The following IGDCC4 variants were observed in gnomAD, a reference collection of about 807,000 sequenced individuals.
The protein encoded by IGDCC4 is immunoglobulin superfamily DCC subclass member 4.
IGDCC4 carries 72 observed loss-of-function variants against 116.6 expected under a neutral mutation model. That is an observed-to-expected ratio of 0.62 (90% CI 0.51 to 0.75). The LOEUF (loss-of-function observed/expected upper bound fraction) is 0.75. Among genes scored for constraint, IGDCC4 ranks in the 30% least tolerant of loss-of-function variants. IGDCC4 has a pLI of 0.00. For synonymous variants in IGDCC4, 709 were observed against 719.9 expected (o/e 0.98, Z 0.24); for missense variants, 1,501 against 1,662.4 (o/e 0.90, Z 1.69).
chr15:65,386,697 G>A (rs1470242070), intron 16 of IGDCC4, 41 bp from the exon 17 acceptor site: 20 of 1,508,570 alleles, frequency 1.3e-5, no homozygotes, highest in Non-Finnish European at 1.8e-5. Context: ...TCAGGACAGA[G>A]GAAGGGCACA....
In IGDCC4 at chr15:65,385,035, C is replaced by A. The variant is rs746223995; in HGVS notation, c.3261G>T (p.Pro1087=). The change falls in exon 19 of 20, where the codon CCG becomes CCT. Residue 1087 remains proline, a synonymous_variant. Transcript: ENST00000352385. ...GCELPQAGPR[P]ALTRALLPPA... is the part of the protein sequence containing the mutation. ...GGGGCAGCAGGGCCCGGGTCAGAGCCGGCCGGGGGCCTGCCTGGGGCAGCT... is the reference window on the plus strand; with the variant it reads ...GGGGCAGCAGGGCCCGGGTCAGAGCAGGCCGGGGGCCTGCCTGGGGCAGCT... The A allele has an allele frequency of 1.7e-5, 27 of 1,604,336 alleles. No individual in the cohort carries two copies. The Admixed American group carries it at 1.9e-4, about 11-fold the overall frequency.
chr15:65,401,831 C>T (rs1345603938), intron 4 of IGDCC4, among the ~76,000 whole-genome samples: 1 of 152,164 alleles, frequency 6.6e-6, no homozygotes, highest in Non-Finnish European at 1.5e-5. Context: ...TTTCCAACCC[C>T]AAAGACTGTG....
Position 65,390,313 on chromosome 15 carries a change from G to C in IGDCC4, c.2250C>G (p.Pro750=). The change falls in exon 13 of 20, where the codon CCC becomes CCG. Residue 750 remains proline (P), a synonymous_variant. Transcript: ENST00000352385. ...APDMPIQRGP[P]LPPAHVHAES... ...CCGCATGGACGTGGGCTGGAGGCAG[G>C]GGTGGTCCCCTCTGGATAGGCATGT... 1 of 1,606,812 alleles carries C rather than the reference G, an allele frequency of 6.2e-7. No homozygotes were observed.
chr15:65,422,872 C>T lies in IGDCC4; in HGVS notation c.-10G>A, dbSNP rs2063207478. Reference sequence around the variant, plus strand: ...CGTCCCCCCGCGCCATGGGGCTGGGCTCGGGCCGCCGCCGCCGCCGCCGCC... The same window carrying T: ...CGTCCCCCCGCGCCATGGGGCTGGGTTCGGGCCGCCGCCGCCGCCGCCGCC... On this transcript the variant is annotated 5_prime_UTR_variant, in exon 1 of 20. Transcript: ENST00000352385. 4 of 1,125,100 alleles carry T rather than the reference C, an allele frequency of 3.6e-6. No individual in the cohort carries two copies. The highest frequency in any genetic ancestry group is 4.4e-6 in the Non-Finnish European group (4 of 918,818). 69.7% of individuals were successfully genotyped at this position (1,125,100 alleles called of 1,614,324 possible).
chr15:65,389,591 A>G (rs2091493488), intron 13 of IGDCC4, among the ~76,000 whole-genome samples, 180 bp from the exon 14 acceptor site: 1 of 152,186 alleles, frequency 6.6e-6, no homozygotes, highest in South Asian at 2.1e-4. Context: ...GTCTGGATGT[A>G]TGCTGCTCCA....
At position 65,384,186 on chromosome 15, in the gene IGDCC4, G is replaced by C. The variant is rs367765322; in HGVS notation, c.3576C>G (p.Pro1192=). Residue 1192 remains proline, a synonymous_variant, in exon 20 of 20, where the codon CCC becomes CCG. Transcript: ENST00000352385. This position sits in a 1 kb window ranked among gnomAD's most constrained non-coding sequence, Gnocchi z 4.9. ...RELGGCELAA[P]GPDRLTCLPE... ...GCAAGCAGGTAAGTCTGTCTGGCCC[G>C]GGGGCTGCCAGCTCACACCCTCCCA... is the stretch of plus-strand genomic sequence containing the variant. 2.5e-6 allele frequency: 4 copies of C among 1,612,138 alleles called. No individual in the cohort carries two copies. Among genetic ancestry groups the C allele is most frequent in the Non-Finnish European group, 3.4e-6 (4 of 1,178,908 alleles).
intron 3 of IGDCC4, among the ~76,000 whole-genome samples, chr15:65,408,058 G>A (rs1428519585): frequency 3.3e-5 from 5 of 152,286 alleles, no homozygotes; most frequent in East Asian, 1.9e-4. Context: ...GTGAGTCACC[G>A]CGCCCAGCCA....
intron 17 of IGDCC4, 46 bp from the exon 18 acceptor site, chr15:65,386,105 G>T: frequency 8.0e-7 from 1 of 1,242,670 alleles, no homozygotes; most frequent in Non-Finnish European, 1.1e-6. Flanking sequence ...AGAGTAAGGG[G>T]TCAGGCGGGG....
chr15:65,397,897 C>T lies in IGDCC4; in HGVS notation c.842-908G>A, dbSNP rs193302721. 7.2e-5 allele frequency among the ~76,000 whole-genome samples: 11 copies of T among 152,160 alleles called. No individual in the cohort carries two copies. The East Asian group carries it at 1.7e-3, about 24-fold the overall frequency. On this transcript the variant is annotated intron_variant, in intron 5 of 19. Transcript: ENST00000352385. Reference sequence around the variant, plus strand: ...ATCACTGCAGTGTTAACTGTAACAGCGGATAACTGGAAAGGACTTAAAAAT... The same window carrying T: ...ATCACTGCAGTGTTAACTGTAACAGTGGATAACTGGAAAGGACTTAAAAAT...
chr15:65,386,457 A>C, intron 17 of IGDCC4, 94 bp downstream of exon 17: 3 of 1,081,076 alleles, frequency 2.8e-6, no homozygotes, highest in Non-Finnish European at 4.1e-6. Context: ...TGGGAGTGCC[A>C]AGGGCAAGTC....
rs1302720099 is a variant in IGDCC4 at position 65,382,485 on chromosome 15, G to A, written c.*1524C>T. The A allele has an allele frequency of 1.3e-5, 2 of 152,064 alleles. No individual in the cohort carries two copies. Among genetic ancestry groups the A allele is most frequent in the Non-Finnish European group, 2.9e-5 (2 of 67,976 alleles). The allele number at this position is 152,064 out of a possible 1,614,324, so 9.4% of individuals were successfully genotyped here. On this transcript the variant is annotated 3_prime_UTR_variant, in exon 20 of 20. Transcript: ENST00000352385. ...AGAAGGCAGAGTTAACTCTTGATGT[G>A]CCAATCAGACATCATTAGGGAGTAA...
chr15:65,407,801 A>ATT (rs34355872), intron 3 of IGDCC4, among the ~76,000 whole-genome samples: 2,197 of 142,766 alleles, frequency 0.015, 28 homozygotes, highest in Middle Eastern at 0.06. Context: ...TAATTTTTGT[A>ATT]TTTTTTTTTT....
chr15:65,384,047 G>A lies in IGDCC4; in HGVS notation c.3715C>T (p.Pro1239Ser), dbSNP rs143179618. The change falls in exon 20 of 20, where the codon CCA becomes TCA. Residue 1239 changes from proline (P) to serine (S), a missense_variant. Pro to Ser is a moderately conservative substitution (Grantham distance 74, BLOSUM62 -1). Coordinates refer to ENST00000352385, the MANE Select transcript of IGDCC4 (RefSeq NM_020962.3). This position sits in a 1 kb window ranked among gnomAD's most constrained non-coding sequence, Gnocchi z 4.9. ...LKSPCPLGAS[P>S]GLPRSPVSSS... ...GAGACCGGGGATCTGGGCAGGCCTG[G>A]GCTGGCTCCTAGAGGGCAGGGGGAT... 1,406 of 1,611,426 alleles carry A rather than the reference G, an allele frequency of 8.7e-4. 4 individuals carry two copies. The Middle Eastern group carries it at 0.014, about 16-fold the overall frequency.
rs534134391 is a variant in IGDCC4, at chr15:65,408,707, C to A, written c.563+1471G>T. 1.5e-4 allele frequency among the ~76,000 whole-genome samples: 23 copies of A among 152,302 alleles called. No individual in the cohort carries two copies. The South Asian group carries it at 4.3e-3, about 29-fold the overall frequency. Reference sequence around the variant, plus strand: ...ATAAAGGCCACGCTTTGGGAAACCACAATCTAAATCAATTTTCATTTGTTT... The same window carrying A: ...ATAAAGGCCACGCTTTGGGAAACCAAAATCTAAATCAATTTTCATTTGTTT... On this transcript the variant is annotated intron_variant, in intron 3 of 19. Transcript: ENST00000352385.
At position 65,410,249 on chromosome 15, in the gene IGDCC4, G is replaced by A. The variant is rs751439656; in HGVS notation, c.492C>T (p.Cys164=). The A allele has an allele frequency of 1.9e-6, 3 of 1,613,950 alleles. No individual in the cohort carries two copies. The highest frequency in any genetic ancestry group is 4.5e-5 in the East Asian group (2 of 44,874). ...VEENGTARFE[C]HIEGLPAPII... is the part of the protein sequence containing the mutation. Reference sequence around the variant, plus strand: ...TGGGAGCTGGCAGCCCTTCAATGTGGCACTCAAAGCGAGCTGTCCCGTTCT... The same window carrying A: ...TGGGAGCTGGCAGCCCTTCAATGTGACACTCAAAGCGAGCTGTCCCGTTCT... The change falls in exon 3 of 20, where the codon TGC becomes TGT. Residue 164 remains cysteine, a synonymous_variant. Transcript: ENST00000352385.
chr15:65,390,206 C>T lies in IGDCC4; in HGVS notation c.2357G>A (p.Arg786His), dbSNP rs150147781. Residue 786 changes from arginine (R) to histidine (H), a missense_variant, in exon 13 of 20, where the codon CGC (arginine) becomes CAC (histidine). By Grantham distance (29) the Arg-to-His change is conservative. This residue lies in a region of IGDCC4 where 235 missense variants were observed against 328.0 expected (regional missense o/e 0.72). Transcript: ENST00000352385. The part of the protein sequence containing the change: ...TTVKIVNYTV[R>H]FSPWGLRNAS... ...ATTCCTGAGCCCCCAGGGGCTGAAG[C>T]GCACAGTGTAGTTGACAATCTTGAC... 3.7e-6 allele frequency: 6 copies of T among 1,609,962 alleles called. No homozygotes were observed. In the East Asian group the frequency reaches 6.7e-5, roughly 18 times the overall value.
intron 3 of IGDCC4, among the ~76,000 whole-genome samples, chr15:65,405,704 C>T (rs1378851207): frequency 6.6e-6 from 1 of 152,166 alleles, no homozygotes; most frequent in Admixed American, 6.5e-5. Flanking sequence ...TTGGTAAAAG[C>T]TGTGTTCAGT....
chr15:65,396,878 C>T lies in IGDCC4; in HGVS notation c.953G>A (p.Arg318His). 1 of 1,576,496 alleles carries T rather than the reference C, an allele frequency of 6.3e-7. No homozygotes were observed. The highest frequency in any genetic ancestry group is 1.7e-4 in the Middle Eastern group (1 of 6,014). The change falls in exon 6 of 20, where the codon CGC (arginine) becomes CAC (histidine). Residue 318 changes from arginine (R) to histidine (H), a missense_variant. Physicochemically the swap from Arg to His is conservative, Grantham distance 29. This residue lies in a region of IGDCC4 where 898 missense variants were observed against 978.9 expected (regional missense o/e 0.92). Transcript: ENST00000352385. ...GGCTGCAGTGGCGAAGTCGCGCGTG[C>T]GGGGCTTGTTGGCGCGGCAGACATA... ...GVYVCRANKP[R>H]TRDFATAAAE... is the part of the protein sequence containing the mutation.
chr15:65,412,038 G>C (rs1395920864), intron 1 of IGDCC4, among the ~76,000 whole-genome samples: 1 of 152,212 alleles, frequency 6.6e-6, no homozygotes, highest in Non-Finnish European at 1.5e-5. Context: ...GTAACACAGA[G>C]AGACTCCGTC....
Sources: gnomAD v4.1 joint callset for allele counts (sites outside exome capture counted in the v4.1 genomes callset) on GRCh38, gnomAD v4.1.1 for gene constraint, gnomAD v4.1.1 regional missense constraint, Gnocchi (gnomAD v3.1) non-coding constraint, MANE v1.5 for transcripts, NCBI Gene and HGNC (gene_info 2026-07-23, HGNC 2026-07-21) for gene names.